GPR89A: variants seen among roughly 807,000 people sequenced by gnomAD.
GPR89A encodes the protein golgi pH regulator A, also known as G protein-coupled receptor 89A.
A neutral mutation model predicts 52.0 loss-of-function variants in GPR89A; 16 were observed. The observed-to-expected ratio is 0.31, with a 90% confidence interval of 0.21 to 0.47. GPR89A has a LOEUF of 0.47. Ranked by LOEUF, GPR89A falls within the 20% of genes least tolerant of loss-of-function variation. The probability of loss-of-function intolerance (pLI) is 1.00; values close to 1 mark genes in which losing one functional copy is unlikely to be tolerated. For missense variants in GPR89A, 135 were observed against 449.4 expected (o/e 0.30, Z 6.33); for synonymous variants, 55 against 150.9 (o/e 0.36, Z 4.66).
At chr1:145,668,302 G>T (rs1652717194) in intron 12 of GPR89A, among the ~76,000 whole-genome samples, 1 of 152,114 alleles carries the variant, frequency 6.6e-6, no homozygotes, top group African/African-American at 2.4e-5. Flanking sequence ...TTGTAAATTG[G>T]ATTCCTAGGT....
At chr1:145,654,274 C>G (rs1246596084) in intron 10 of GPR89A, among the ~76,000 whole-genome samples, 1 of 152,102 alleles carries the variant, frequency 6.6e-6, no homozygotes, top group Non-Finnish European at 1.5e-5. Context: ...GAATGTTGAG[C>G]TGGGCGTGGT....
intron 1 of GPR89A, chr1:145,608,659 C>G (rs781969354): frequency 6.0e-5 from 63 of 1,054,466 alleles, no homozygotes; most frequent in Non-Finnish European, 7.3e-5. Context: ...TTTGCTGCTT[C>G]AAAGTATCAG....
intron 10 of GPR89A, among the ~76,000 whole-genome samples, chr1:145,647,902 T>C (rs1553692918): frequency 7.5e-6 from 1 of 132,724 alleles, no homozygotes; most frequent in Non-Finnish European, 1.6e-5. Context: ...TATATATATA[T>C]ATATATATAG....
chr1:145,659,432 G>T (rs1161607619), intron 10 of GPR89A, among the ~76,000 whole-genome samples: 1 of 151,884 alleles, frequency 6.6e-6, no homozygotes, highest in Non-Finnish European at 1.5e-5. Flanking sequence ...TGATCCACCC[G>T]CCTCAGCCTC....
At chr1:145,616,456 T>G (rs1459043205) in intron 2 of GPR89A, among the ~76,000 whole-genome samples, 163 bp downstream of exon 2, 1 of 152,066 alleles carries the variant, frequency 6.6e-6, no homozygotes, top group Non-Finnish European at 1.5e-5. Flanking sequence ...CTTAATTGAT[T>G]TAAAAGGGGG....
chr1:145,668,291 C>A (rs1471797928), intron 12 of GPR89A, among the ~76,000 whole-genome samples: 1 of 152,104 alleles, frequency 6.6e-6, no homozygotes, highest in Non-Finnish European at 1.5e-5. Flanking sequence ...CTTCACATCC[C>A]TTGTAAATTG....
chr1:145,620,912 CTTG>C (rs1649098313), intron 3 of GPR89A, among the ~76,000 whole-genome samples: 1 of 152,298 alleles, frequency 6.6e-6, no homozygotes, highest in Non-Finnish European at 1.5e-5. Flanking sequence ...TAAAGTTGCA[CTTG>C]TTATTTCAAA....
At chr1:145,657,229 G>T (rs1220710327) in intron 10 of GPR89A, among the ~76,000 whole-genome samples, 1 of 148,032 alleles carries the variant, frequency 6.8e-6, no homozygotes, top group Non-Finnish European at 1.5e-5. Flanking sequence ...CCCCATCTCA[G>T]CAAAACAATA....
At chr1:145,625,522 A>G (rs1352478415) in intron 5 of GPR89A, among the ~76,000 whole-genome samples, 16 of 145,776 alleles carry the variant, frequency 1.1e-4, no homozygotes, top group Non-Finnish European at 2.4e-4. Flanking sequence ...GTATTTTTTC[A>G]TAGAGATGGG....
At chr1:145,637,723 A>G (rs1173911578) in intron 7 of GPR89A, among the ~76,000 whole-genome samples, 2 of 152,214 alleles carry the variant, frequency 1.3e-5, no homozygotes, top group African/African-American at 2.4e-5. Context: ...GAAGGAAAGC[A>G]TGATACAAGT....
At chr1:145,614,080 CT>C (rs2101729369) in intron 1 of GPR89A, among the ~76,000 whole-genome samples, 1 of 152,212 alleles carries the variant, frequency 6.6e-6, no homozygotes, top group South Asian at 2.1e-4. Context: ...AGCCTCCCTA[CT>C]TGATTCTTAT....
intron 7 of GPR89A, among the ~76,000 whole-genome samples, chr1:145,640,153 G>T (rs1650544176): frequency 6.7e-6 from 1 of 149,932 alleles, no homozygotes; most frequent in Non-Finnish European, 1.5e-5. Context: ...AGGAGGTGGA[G>T]GTTGCAGTGA....
chr1:145,626,025 C>T (rs1649474605), intron 5 of GPR89A, among the ~76,000 whole-genome samples: 1 of 150,324 alleles, frequency 6.7e-6, no homozygotes, highest in African/African-American at 2.5e-5. Context: ...ACTACTTTAA[C>T]ACTCTGGATA....
intron 10 of GPR89A, among the ~76,000 whole-genome samples, chr1:145,659,950 G>A (rs1652081318): frequency 1.3e-5 from 2 of 151,348 alleles, no homozygotes; most frequent in South Asian, 2.1e-4. Context: ...ATTTCATTGA[G>A]CAGTGTTTTG....
intron 11 of GPR89A, among the ~76,000 whole-genome samples, chr1:145,665,360 G>T (rs61813310): frequency 6.6e-6 from 1 of 151,932 alleles, no homozygotes; most frequent in South Asian, 2.1e-4. Context: ...AATTAAGTCT[G>T]CTAATTAAGG....
intron 12 of GPR89A, among the ~76,000 whole-genome samples, chr1:145,668,310 G>C (rs1203285077): frequency 6.6e-6 from 1 of 152,092 alleles, no homozygotes; most frequent in Admixed American, 6.5e-5. Context: ...TGGATTCCTA[G>C]GTATTTTATT....
chr1:145,634,079 G>GTT (rs1425140157), intron 7 of GPR89A, among the ~76,000 whole-genome samples: 1 of 23,274 alleles, frequency 4.3e-5, no homozygotes, highest in Non-Finnish European at 7.2e-5. Context: ...ATTGTCTATT[G>GTT]TGTTTTTTTT....
chr1:145,626,418 CA>C (rs1244759729), intron 5 of GPR89A, among the ~76,000 whole-genome samples: 1 of 151,892 alleles, frequency 6.6e-6, no homozygotes, highest in Non-Finnish European at 1.5e-5. Context: ...CTGAAAAGGA[CA>C]CTGAGGGAGA....
chr1:145,611,204 T>TC (rs1220234287), intron 1 of GPR89A, among the ~76,000 whole-genome samples: 25 of 151,426 alleles, frequency 1.7e-4, no homozygotes, highest in African/African-American at 5.3e-4. Context: ...TTTTTTTTTT[T>TC]CAACTTTTAT....
Sources: gnomAD v4.1 joint callset for allele counts (sites outside exome capture counted in the v4.1 genomes callset) on GRCh38, gnomAD v4.1.1 for gene constraint, MANE v1.5 for transcripts, NCBI Gene and HGNC (gene_info 2026-07-23, HGNC 2026-07-21) for gene names.